The following ADAMTS6 variants were observed in gnomAD, a reference collection of about 807,000 sequenced individuals.
The protein encoded by ADAMTS6 is ADAM metallopeptidase with thrombospondin type 1 motif 6.
A neutral mutation model predicts 144.3 loss-of-function variants in ADAMTS6; 23 were observed. That is an observed-to-expected ratio of 0.16 (90% confidence interval 0.11 to 0.23). ADAMTS6 has a LOEUF of 0.23. ADAMTS6 is among the 10% of genes least tolerant of loss of function. The probability of loss-of-function intolerance (pLI) is 1.00; values close to 1 mark genes in which losing one functional copy is unlikely to be tolerated. For missense variants in ADAMTS6, 999 were observed against 1,379.6 expected, an observed-to-expected ratio of 0.72 and a Z score of 4.37; for synonymous variants, 444 against 457.5, an observed-to-expected ratio of 0.97 and a Z score of 0.38.
chr5:65,207,348 G>A (rs559838326), intron 20 of ADAMTS6, among the ~76,000 whole-genome samples: 1 of 152,152 alleles, frequency 6.6e-6, no homozygotes, highest in Admixed American at 6.5e-5. Context: ...TATATTTAGA[G>A]CATAAATATA....
intron 10 of ADAMTS6, among the ~76,000 whole-genome samples, chr5:65,298,217 C>T (rs1414602913): frequency 6.6e-6 from 1 of 151,844 alleles, no homozygotes; most frequent in African/African-American, 2.4e-5. Context: ...ATTTAGTATA[C>T]AGAGATGGTA....
chr5:65,319,448 C>G (rs1355827733), intron 9 of ADAMTS6, among the ~76,000 whole-genome samples: 1 of 147,540 alleles, frequency 6.8e-6, no homozygotes, highest in African/African-American at 2.5e-5. Context: ...GGGAGGCTGA[C>G]GTGGAAGGAC....
intron 20 of ADAMTS6, chr5:65,198,480 T>C (rs1369120037): frequency 1.2e-5 from 2 of 167,064 alleles, no homozygotes; most frequent in African/African-American, 2.4e-5. Context: ...CCCTAAATCA[T>C]AGAAATTCTG....
chr5:65,454,459 G>A (rs1015656726), intron 4 of ADAMTS6, among the ~76,000 whole-genome samples: 1 of 152,192 alleles, frequency 6.6e-6, no homozygotes, highest in African/African-American at 2.4e-5. Flanking sequence ...ATATCCTCCA[G>A]ATAGTGTTTC....
chr5:65,413,706 A>G (rs902445333), intron 7 of ADAMTS6, among the ~76,000 whole-genome samples: 1 of 152,164 alleles, frequency 6.6e-6, no homozygotes, highest in African/African-American at 2.4e-5. Flanking sequence ...TAGAGCAATT[A>G]AATTAATAAA....
intron 7 of ADAMTS6, among the ~76,000 whole-genome samples, chr5:65,388,811 T>A (rs963049372): frequency 1.3e-5 from 2 of 152,204 alleles, no homozygotes; most frequent in Admixed American, 1.3e-4. Context: ...CCCCAAATAT[T>A]ACTACTTTAA....
chr5:65,409,553 G>A (rs991194134), intron 7 of ADAMTS6, among the ~76,000 whole-genome samples: 4 of 152,122 alleles, frequency 2.6e-5, no homozygotes, highest in Admixed American at 6.5e-5. Flanking sequence ...ATTCACAGCC[G>A]AATTCTACCA....
chr5:65,283,182 T>C (rs1763117223), intron 11 of ADAMTS6, among the ~76,000 whole-genome samples: 1 of 152,136 alleles, frequency 6.6e-6, no homozygotes, highest in Non-Finnish European at 1.5e-5. Flanking sequence ...ACTTATCATT[T>C]GATCACACAA....
At chr5:65,238,093 A>G (rs932535427) in intron 15 of ADAMTS6, among the ~76,000 whole-genome samples, 3 of 152,120 alleles carry the variant, frequency 2.0e-5, no homozygotes, top group Admixed American at 2.0e-4. Flanking sequence ...CTCAAAAAAA[A>G]AAAAATCTTG....
At chr5:65,446,849 T>C (rs567626268) in intron 7 of ADAMTS6, among the ~76,000 whole-genome samples, 1 of 152,208 alleles carries the variant, frequency 6.6e-6, no homozygotes, top group South Asian at 2.1e-4. Context: ...TGACTTCCTT[T>C]GGGAGTGATG....
At chr5:65,266,467 G>A (rs1333805690) in intron 12 of ADAMTS6, among the ~76,000 whole-genome samples, 2 of 151,896 alleles carry the variant, frequency 1.3e-5, no homozygotes, top group African/African-American at 2.4e-5. Context: ...CAGTCACCTA[G>A]CAGTTGACAA....
At chr5:65,460,137 A>C in intron 4 of ADAMTS6, 33 bp downstream of exon 4, 9 of 1,610,968 alleles carry the variant, frequency 5.6e-6, no homozygotes, top group South Asian at 1.1e-5. Context: ...AATCCAGTAC[A>C]ATACGCTTTG....
chr5:65,387,498 C>T (rs1265485960), intron 7 of ADAMTS6, among the ~76,000 whole-genome samples: 1 of 152,156 alleles, frequency 6.6e-6, no homozygotes, highest in Non-Finnish European at 1.5e-5. Context: ...ACAGTAAGGT[C>T]GTTGTTAACT....
intron 7 of ADAMTS6, among the ~76,000 whole-genome samples, chr5:65,438,096 G>T (rs1210469163): frequency 1.3e-5 from 2 of 152,144 alleles, no homozygotes; most frequent in East Asian, 3.8e-4. Context: ...ACCTCCAAAG[G>T]TACATAAGCC....
chr5:65,468,574 C>CA (rs1760204441), intron 3 of ADAMTS6, among the ~76,000 whole-genome samples: 1 of 152,036 alleles, frequency 6.6e-6, no homozygotes, highest in African/African-American at 2.4e-5. Flanking sequence ...CTTCAGTGGA[C>CA]AAACCTGGCA....
chr5:65,451,658 A>G, intron 6 of ADAMTS6, 38 bp from the exon 7 acceptor site: 1 of 1,606,806 alleles, frequency 6.2e-7, no homozygotes, highest in Non-Finnish European at 8.5e-7. Context: ...GTTCCAAACA[A>G]ATTACTAAGG....
At chr5:65,341,801 CA>C (rs1276478978) in intron 7 of ADAMTS6, among the ~76,000 whole-genome samples, 13 of 152,056 alleles carry the variant, frequency 8.5e-5, no homozygotes, top group Non-Finnish European at 1.9e-4. Context: ...CAAACTACTC[CA>C]AAAAAGTGAA....
At chr5:65,388,059 A>C (rs1752616729) in intron 7 of ADAMTS6, among the ~76,000 whole-genome samples, 1 of 152,100 alleles carries the variant, frequency 6.6e-6, no homozygotes, top group African/African-American at 2.4e-5. Context: ...CAAATACAAA[A>C]ATTAGCCGGG....
chr5:65,428,550 A>T (rs984880503), intron 7 of ADAMTS6, among the ~76,000 whole-genome samples: 2 of 152,226 alleles, frequency 1.3e-5, no homozygotes, highest in South Asian at 2.1e-4. Flanking sequence ...AACCAGGGGG[A>T]CCTTCAAGAA....
Sources: gnomAD v4.1 joint callset for allele counts (sites outside exome capture counted in the v4.1 genomes callset) on GRCh38, gnomAD v4.1.1 for gene constraint, MANE v1.5 for transcripts, NCBI Gene and HGNC (gene_info 2026-07-23, HGNC 2026-07-21) for gene names.